The following LENG1 variants were observed in gnomAD, a reference collection of about 807,000 sequenced individuals.
LENG1 encodes the protein leukocyte receptor cluster member 1.
A neutral mutation model predicts 28.8 loss-of-function variants in LENG1; 35 were observed. The observed-to-expected ratio is 1.22, with a 90% CI of 0.93 to 1.61. LENG1 has a LOEUF of 1.61. Among genes scored for constraint, LENG1 ranks in the 40% most tolerant of loss-of-function variants. The pLI, the probability that LENG1 is intolerant of heterozygous loss-of-function variation, is 0.00. For synonymous variants in LENG1, 170 were observed against 140.6 expected, an observed-to-expected ratio of 1.21 and a Z score of -1.48; for missense variants, 404 against 348.9, an observed-to-expected ratio of 1.16 and a Z score of -1.26.
At position 54,155,588 on chromosome 19, in the gene LENG1, G is replaced by A. The variant is rs1310600930; in HGVS notation, c.*133C>T. On this transcript the variant is annotated 3_prime_UTR_variant, in exon 4 of 4. Coordinates refer to ENST00000222224, the MANE Select transcript of LENG1 (RefSeq NM_024316.3). The stretch of plus-strand genomic sequence containing the variant: ...CCCCACCCTGGGGGCCCGGGGGCGA[G>A]GGCTGCCCCCTCCTCCCCTCCCCAG... 2 of 1,061,916 alleles carry A rather than the reference G, an allele frequency of 1.9e-6. No homozygotes were observed. The highest frequency in any genetic ancestry group is 1.6e-5 in the South Asian group (1 of 61,968). 65.8% of individuals were successfully genotyped at this position (1,061,916 alleles called of 1,614,324 possible). A position where few individuals can be genotyped will look rare whatever the true frequency, so the allele number is the denominator to read the frequency against.
rs1206079202 is a variant in LENG1 at position 54,158,469 on chromosome 19, G to A, written c.133-8C>T. 1.9e-6 allele frequency: 3 copies of A among 1,610,610 alleles called. No individual in the cohort carries two copies. Among genetic ancestry groups the A allele is most frequent in the Admixed American group, 3.4e-5 (2 of 59,310 alleles). ...TAGGAATTCTGTACGGGCCTGGGGA[G>A]AAAGTTATAGGCAGGACATTCAGAA... On this transcript the variant is annotated splice_region_variant and splice_polypyrimidine_tract_variant and intron_variant, in intron 1 of 3. Transcript: ENST00000222224.
intron 2 of LENG1, among the ~76,000 whole-genome samples, chr19:54,157,312 A>C (rs2075412061): frequency 6.6e-6 from 1 of 152,222 alleles, no homozygotes; most frequent in Non-Finnish European, 1.5e-5. Flanking sequence ...CAAGCAAAGC[A>C]GAGGAGCGAT....
chr19:54,158,129 A>C (rs1418155587), intron 2 of LENG1, among the ~76,000 whole-genome samples, 153 bp downstream of exon 2: 1 of 152,256 alleles, frequency 6.6e-6, no homozygotes, highest in African/African-American at 2.4e-5. Context: ...CCAGACGGCA[A>C]TAGCCAACGC....
rs1341782360 is a variant in LENG1 at position 54,155,270 on chromosome 19, C to G, written c.*451G>C. 1 of 1,608,958 alleles carries G rather than the reference C, an allele frequency of 6.2e-7. No homozygotes were observed. The highest frequency in any genetic ancestry group is 1.1e-5 in the South Asian group (1 of 90,346). Reference sequence around the variant, plus strand: ...TGGTCCGGCCCAGATCCCAGACCACCTCCTCGTCCACTCACTGACCGCCTT... The same window carrying G: ...TGGTCCGGCCCAGATCCCAGACCACGTCCTCGTCCACTCACTGACCGCCTT... On this transcript the variant is annotated 3_prime_UTR_variant, in exon 4 of 4. Coordinates refer to ENST00000222224, the MANE Select transcript of LENG1 (RefSeq NM_024316.3).
In LENG1 at chr19:54,159,440, G is replaced by C. The variant is rs544245313; in HGVS notation, c.132+124C>G. On this transcript the variant is annotated intron_variant, in intron 1 of 3. Transcript: ENST00000222224. ...GGGCAACGTCCTCGAAAGTGGGATC[G>C]GCGCCTGGTCCCGAATTTCACACGG... is the stretch of plus-strand genomic sequence containing the variant. 6 of 1,073,500 alleles carry C rather than the reference G, an allele frequency of 5.6e-6. 1 individual carries two copies. The highest frequency in any genetic ancestry group is 1.6e-5 in the African/African-American group (1 of 62,082). 66.5% of individuals were successfully genotyped at this position (1,073,500 alleles called of 1,614,324 possible).
In LENG1 at chr19:54,159,659, TC is replaced by T; in HGVS notation, c.36del (p.Asn13ThrfsTer77). ...CGCACGCGGGCGACATTGTCCTTGTTCCGGACGTGCCAGCTCTTCTTGGGCA... is the reference window on the plus strand; with the variant it reads ...CGCACGCGGGCGACATTGTCCTTGTTCGGACGTGCCAGCTCTTCTTGGGCA... ...NILPKKSWHV[R>X]NKDNVARVRR... On this transcript the variant is annotated frameshift_variant, in exon 1 of 4. Coordinates refer to ENST00000222224, the MANE Select transcript of LENG1 (RefSeq NM_024316.3). LOFTEE classifies it high-confidence loss of function. 6.2e-7 allele frequency: 1 copy of T among 1,613,552 alleles called. No homozygotes were observed. The highest frequency in any genetic ancestry group is 1.1e-5 in the South Asian group (1 of 90,966).
chr19:54,155,290 C>T lies in LENG1; in HGVS notation c.*431G>A, dbSNP rs375541554. ...ACCACCTCCTCGTCCACTCACTGAC[C>T]GCCTTCTCCCCCGGCCAGGGCACCT... On this transcript the variant is annotated 3_prime_UTR_variant, in exon 4 of 4. Transcript: ENST00000222224. 30 of 1,611,994 alleles carry T rather than the reference C, an allele frequency of 1.9e-5. No individual in the cohort carries two copies. The highest frequency in any genetic ancestry group is 1.0e-4 in the Admixed American group (6 of 59,948).
Position 54,155,462 on chromosome 19 carries a change from A to G in LENG1, c.*259T>C. The G allele has an allele frequency of 8.7e-7, 1 of 1,143,618 alleles. No homozygotes were observed. Among genetic ancestry groups the G allele is most frequent in the Non-Finnish European group, 1.2e-6 (1 of 806,460 alleles). The allele number at this position is 1,143,618 out of a possible 1,614,324, so 70.8% of individuals were successfully genotyped here. On this transcript the variant is annotated 3_prime_UTR_variant, in exon 4 of 4. Transcript: ENST00000222224. ...CCCCCGCATGCTGATCCCCCTGCCCAGGTGAGGGCCCTGCCCTGGAAGACT... is the reference window on the plus strand; with the variant it reads ...CCCCCGCATGCTGATCCCCCTGCCCGGGTGAGGGCCCTGCCCTGGAAGACT...
At position 54,155,928 on chromosome 19, in the gene LENG1, C is replaced by A. The variant is rs766139965; in HGVS notation, c.588G>T (p.Leu196=). 5.6e-6 allele frequency: 9 copies of A among 1,609,266 alleles called. No homozygotes were observed. The highest frequency in any genetic ancestry group is 7.6e-6 in the Non-Finnish European group (9 of 1,178,266). Residue 196 remains leucine, a synonymous_variant, in exon 4 of 4, where the codon CTG becomes CTT. Transcript: ENST00000222224. ...GCAGACGTTCAGCTCGAAGCTGGTCCAGGGATGGAGGCCTGTGGGGAGAGG... is the reference window on the plus strand; with the variant it reads ...GCAGACGTTCAGCTCGAAGCTGGTCAAGGGATGGAGGCCTGTGGGGAGAGG... ...EKQRPKEPPS[L]DQLRAERLRR... is the part of the protein sequence containing the mutation.
Position 54,158,348 on chromosome 19 carries a change from C to T in LENG1, c.246G>A (p.Leu82=). 6.2e-7 allele frequency: 1 copy of T among 1,614,220 alleles called. No individual in the cohort carries two copies. Among genetic ancestry groups the T allele is most frequent in the Non-Finnish European group, 8.5e-7 (1 of 1,180,034 alleles). Residue 82 remains leucine (L), a synonymous_variant, in exon 2 of 4, where the codon CTG becomes CTA. Coordinates refer to ENST00000222224, the MANE Select transcript of LENG1 (RefSeq NM_024316.3). The part of the protein sequence containing the change: ...GSGPVDLFRE[L]LEEGKGVIRG... ...TGATCACTCCTTTCCCTTCCTCCAG[C>T]AGCTCCCGAAACAGGTCCACAGGGC... is the stretch of plus-strand genomic sequence containing the variant.
At position 54,155,962 on chromosome 19, in the gene LENG1, C is replaced by CA. The variant is rs779183715; in HGVS notation, c.576-23dup. On this transcript the variant is annotated intron_variant, in intron 3 of 3. Transcript: ENST00000222224. ...AGGCCTGTGGGGAGAGGAGTGAGGT[C>CA]AGAAAGCTGGTAGCCCCTAGGAGGC... 15 of 1,587,692 alleles carry CA rather than the reference C, an allele frequency of 9.4e-6. No homozygotes were observed. In the East Asian group the frequency reaches 2.7e-4, roughly 29 times the overall value.
chr19:54,156,934 G>C lies in LENG1; in HGVS notation c.404C>G (p.Pro135Arg). 5 of 1,612,640 alleles carry C rather than the reference G, an allele frequency of 3.1e-6. No individual in the cohort carries two copies. The highest frequency in any genetic ancestry group is 4.2e-6 in the Non-Finnish European group (5 of 1,179,008). The change falls in exon 3 of 4, where the codon CCA becomes CGA. Residue 135 changes from proline to arginine, a missense_variant. Pro to Arg is a moderately radical substitution (Grantham distance 103). Transcript: ENST00000222224. The part of the protein sequence containing the change: ...QTQPPWYQLP[P>R]GRGGPPPGPA... ...GCCGGGCGGGGGGCCCCCTCGCCCT[G>C]GGGGTAGCTGGTACCAAGGGGGTTG...
In LENG1 at chr19:54,155,753, G is replaced by C; in HGVS notation, c.763C>G (p.Pro255Ala). 6.2e-7 allele frequency: 1 copy of C among 1,610,662 alleles called. No homozygotes were observed. The highest frequency in any genetic ancestry group is 1.7e-5 in the Admixed American group (1 of 59,778). Residue 255 changes from proline (P) to alanine (A), a missense_variant, in exon 4 of 4, where the codon CCC becomes GCC. Coordinates refer to ENST00000222224, the MANE Select transcript of LENG1 (RefSeq NM_024316.3). ...GTAAGGTGAGGGTCCTGCTGGCGGG[G>C]GCGCCGGGCCAGCTGGGGGTTGAAT... The part of the protein sequence containing the change: ...SQFNPQLARR[P>A]RQQDPHLTH
intron 3 of LENG1, 47 bp downstream of exon 3, chr19:54,156,716 A>C (rs746626973): frequency 1.3e-6 from 2 of 1,552,422 alleles, no homozygotes. Context: ...GCTGCTGCCA[A>C]GCCCTGAAGG....
At chr19:54,159,505 C>T in intron 1 of LENG1, 59 bp downstream of exon 1, 1 of 1,463,382 alleles carries the variant, frequency 6.8e-7, no homozygotes, top group Non-Finnish European at 9.0e-7. Flanking sequence ...TTCCGGCCCC[C>T]AACCGCGGCG....
At position 54,156,865 on chromosome 19, in the gene LENG1, C is replaced by T. The variant is rs2075399159; in HGVS notation, c.473G>A (p.Arg158Gln). 6.2e-6 allele frequency: 10 copies of T among 1,612,252 alleles called. No homozygotes were observed. Among genetic ancestry groups the T allele is most frequent in the Admixed American group, 1.7e-5 (1 of 60,018 alleles). The change falls in exon 3 of 4, where the codon CGG becomes CAG. Residue 158 changes from arginine to glutamine, a missense_variant. Physicochemically the swap from Arg to Gln is conservative, Grantham distance 43 (BLOSUM62 1). Coordinates refer to ENST00000222224, the MANE Select transcript of LENG1 (RefSeq NM_024316.3). ...EKIKSRLDPL[R>Q]EMQKHLGKKR... ...CTTCCCCAGATGCTTCTGCATCTCCCGCAGAGGGTCCAGACGGCTCTTGAT... is the reference window on the plus strand; with the variant it reads ...CTTCCCCAGATGCTTCTGCATCTCCTGCAGAGGGTCCAGACGGCTCTTGAT...
Position 54,156,857 on chromosome 19 carries a change from G to C in LENG1, c.481C>G (p.Gln161Glu). 1 of 1,581,102 alleles carries C rather than the reference G, an allele frequency of 6.3e-7. No homozygotes were observed. The highest frequency in any genetic ancestry group is 8.6e-7 in the Non-Finnish European group (1 of 1,161,938). Residue 161 changes from glutamine (Q) to glutamate (E), a missense_variant, in exon 3 of 4, where the codon CAG becomes GAG. Transcript: ENST00000222224. ...KSRLDPLREMQKHLGKKRQHG... is the reference protein window; with the variant it reads ...KSRLDPLREMEKHLGKKRQHG... ...TGTCTCTTCTTCCCCAGATGCTTCTGCATCTCCCGCAGAGGGTCCAGACGG... is the reference window on the plus strand; with the variant it reads ...TGTCTCTTCTTCCCCAGATGCTTCTCCATCTCCCGCAGAGGGTCCAGACGG...
chr19:54,155,519 C>G lies in LENG1; in HGVS notation c.*202G>C. 1 of 928,608 alleles carries G rather than the reference C, an allele frequency of 1.1e-6. No individual in the cohort carries two copies. The highest frequency in any genetic ancestry group is 2.6e-5 in the East Asian group (1 of 37,850). The allele number at this position is 928,608 out of a possible 1,614,324, so 57.5% of individuals were successfully genotyped here. A position where few individuals can be genotyped will look rare whatever the true frequency, so the allele number is the denominator to read the frequency against. ...AGGCCCCAAGCCACGGGGCATCCCC[C>G]TCTCCCAGGAAGCAGGGAGGGGGCC... is the stretch of plus-strand genomic sequence containing the variant. On this transcript the variant is annotated 3_prime_UTR_variant, in exon 4 of 4. Coordinates refer to ENST00000222224, the MANE Select transcript of LENG1 (RefSeq NM_024316.3).
chr19:54,158,594 GA>G, intron 1 of LENG1, 133 bp from the exon 2 acceptor site: 1 of 768,306 alleles, frequency 1.3e-6, no homozygotes, highest in Non-Finnish European at 2.1e-6. Context: ...GCGCCTAAAA[GA>G]GGCACCTGTC....
Sources: allele counts gnomAD v4.1 joint callset (sites outside exome capture counted in the v4.1 genomes callset), GRCh38; gene constraint gnomAD v4.1.1; transcripts MANE v1.5; gene names NCBI Gene and HGNC (gene_info 2026-07-23, HGNC 2026-07-21).